Variants in CLMN observed in about 807,000 individuals in gnomAD.
CLMN encodes calmin (calponin-like, transmembrane).
CLMN carries 57 observed loss-of-function variants against 92.7 expected under a neutral mutation model. The ratio of observed to expected loss-of-function variants is 0.61; its 90% CI spans 0.50 to 0.77. CLMN has a LOEUF of 0.77. CLMN is among the 30% of genes least tolerant of loss of function. CLMN has a pLI of 0.00. For missense variants in CLMN, 1,158 were observed against 1,237.5 expected, an observed-to-expected ratio of 0.94 and a Z score of 0.96; for synonymous variants, 466 against 470.6, an observed-to-expected ratio of 0.99 and a Z score of 0.13.
chr14:95,254,352 A>G (rs1017262578), intron 1 of CLMN, among the ~76,000 whole-genome samples: 2 of 152,238 alleles, frequency 1.3e-5, no homozygotes, highest in Non-Finnish European at 1.5e-5. Context: ...TTGACATAGT[A>G]GGGAAAAATT....
Position 95,210,819 on chromosome 14 carries a change from C to T in CLMN, c.669G>A (p.Ala223=), listed in dbSNP as rs150700470. The change falls in exon 7 of 13, where the codon GCG becomes GCA. Residue 223 remains alanine (A), a synonymous_variant. Transcript: ENST00000298912. ...GSWRSGLAFL[A]VIKAIDPSLV... is the part of the protein sequence containing the mutation. ...GGCTGGGGTCAATGGCCTTGATCAC[C>T]GCCAGGAAAGCCAGCCCACTCCTCC... 2.6e-5 allele frequency: 41 copies of T among 1,579,458 alleles called. No homozygotes were observed. The highest frequency in any genetic ancestry group is 2.1e-4 in the African/African-American group (15 of 71,852).
intron 8 of CLMN, among the ~76,000 whole-genome samples, chr14:95,208,130 T>G (rs1022793762): frequency 1.4e-5 from 2 of 139,420 alleles, no homozygotes; most frequent in African/African-American, 6.0e-5. Flanking sequence ...CTTTAACTCT[T>G]TATGCTTTCC....
chr14:95,197,277 A>G, intron 9 of CLMN, among the ~76,000 whole-genome samples: 1 of 151,582 alleles, frequency 6.6e-6, no homozygotes. Context: ...AAAGAGGAGG[A>G]GGAAGAAGGA....
At position 95,204,388 on chromosome 14, in the gene CLMN, G is replaced by T; in HGVS notation, c.961C>A (p.Gln321Lys). The part of the protein sequence containing the change: ...FVRIKETPSE[Q>K]ESKVFVLTEN... The stretch of plus-strand genomic sequence containing the variant: ...GTCAGAACGAAGACTTTGCTCTCCT[G>T]TTCAGAAGGAGTTTCTTTGATGCGA... Residue 321 changes from glutamine to lysine, a missense_variant, in exon 9 of 13, where the codon CAG becomes AAG. Gln to Lys is a moderately conservative substitution (Grantham distance 53, BLOSUM62 1). Coordinates refer to ENST00000298912, the MANE Select transcript of CLMN (RefSeq NM_024734.4). 6.2e-7 allele frequency: 1 copy of T among 1,613,742 alleles called. No individual in the cohort carries two copies. Among genetic ancestry groups the T allele is most frequent in the Non-Finnish European group, 8.5e-7 (1 of 1,179,962 alleles).
chr14:95,205,656 T>C (rs1445915078), intron 8 of CLMN, among the ~76,000 whole-genome samples: 4 of 152,028 alleles, frequency 2.6e-5, no homozygotes, highest in Non-Finnish European at 5.9e-5. Flanking sequence ...GCAAAAGTAA[T>C]GGAGATGAAG....
At chr14:95,285,855 T>C (rs1900321505) in intron 1 of CLMN, among the ~76,000 whole-genome samples, 1 of 152,232 alleles carries the variant, frequency 6.6e-6, no homozygotes, top group South Asian at 2.1e-4. Context: ...GCAGGCATTG[T>C]TAATCAACCA....
chr14:95,229,889 C>T (rs1171775425), intron 2 of CLMN, among the ~76,000 whole-genome samples, 183 bp downstream of exon 2: 1 of 152,072 alleles, frequency 6.6e-6, no homozygotes, highest in African/African-American at 2.4e-5. Flanking sequence ...AGGGCAGAGC[C>T]GTGTCTCAGT....
At chr14:95,287,088 GC>G (rs1900373736) in intron 1 of CLMN, among the ~76,000 whole-genome samples, 1 of 152,166 alleles carries the variant, frequency 6.6e-6, no homozygotes. Flanking sequence ...TGCCTGAAGG[GC>G]CCCTTGTGCC....
At chr14:95,284,097 C>T (rs766578662) in intron 1 of CLMN, among the ~76,000 whole-genome samples, 1 of 152,150 alleles carries the variant, frequency 6.6e-6, no homozygotes, top group Non-Finnish European at 1.5e-5. Flanking sequence ...TGTGTCCCAG[C>T]CGCTCCAGTT....
intron 12 of CLMN, chr14:95,193,002 TCTTG>T (rs1362896585): frequency 3.7e-6 from 1 of 269,520 alleles, no homozygotes; most frequent in African/African-American, 2.2e-5. Flanking sequence ...AAAGGAGCTG[TCTTG>T]CTTCTTTTTT....
In CLMN at chr14:95,227,549, G is replaced by A. The variant is rs564697529; in HGVS notation, c.144+2523C>T. ...ACATTTCCAGTTACCAGCCCCGGCC[G>A]TGGCCAAGCCTTACTTCTGAGTTAA... On this transcript the variant is annotated intron_variant, in intron 2 of 12. Transcript: ENST00000298912. Among the ~76,000 whole-genome samples the A allele has an allele frequency of 1.2e-4, 19 of 152,312 alleles. No homozygotes were observed. The South Asian group carries it at 3.9e-3, about 32-fold the overall frequency.
At chr14:95,236,612 C>T (rs1343147553) in intron 1 of CLMN, among the ~76,000 whole-genome samples, 5 of 152,180 alleles carry the variant, frequency 3.3e-5, no homozygotes, top group Non-Finnish European at 1.5e-5. Flanking sequence ...AGAGTGGCAA[C>T]ACTGCCAGGG....
rs2140552091 is a variant in CLMN, at chr14:95,189,390, G to T, written c.*2174C>A. 1 of 152,286 alleles carries T rather than the reference G, an allele frequency of 6.6e-6. No individual in the cohort carries two copies. Among genetic ancestry groups the T allele is most frequent in the African/African-American group, 2.4e-5 (1 of 41,556 alleles). 9.4% of individuals were successfully genotyped at this position (152,286 alleles called of 1,614,324 possible). A position where few individuals can be genotyped will look rare whatever the true frequency, so the allele number is the denominator to read the frequency against. Reference sequence around the variant, plus strand: ...AAATTTACAAGCAATGGGGTGGTTTGTCCTGCAGACTTCCACATCCATTTT... The same window carrying T: ...AAATTTACAAGCAATGGGGTGGTTTTTCCTGCAGACTTCCACATCCATTTT... On this transcript the variant is annotated 3_prime_UTR_variant, in exon 13 of 13. Transcript: ENST00000298912.
At chr14:95,308,798 A>T (rs1053941359) in intron 1 of CLMN, among the ~76,000 whole-genome samples, 1 of 152,222 alleles carries the variant, frequency 6.6e-6, no homozygotes, top group Non-Finnish European at 1.5e-5. Flanking sequence ...CTCAGGTTGC[A>T]ACTCCCCCAG....
At chr14:95,307,265 T>C (rs1483203986) in intron 1 of CLMN, among the ~76,000 whole-genome samples, 1 of 152,204 alleles carries the variant, frequency 6.6e-6, no homozygotes, top group Non-Finnish European at 1.5e-5. Context: ...TCCACATTCA[T>C]GCATTCAACA....
At chr14:95,193,612 T>G (rs1896615567) in intron 12 of CLMN, among the ~76,000 whole-genome samples, 1 of 152,208 alleles carries the variant, frequency 6.6e-6, no homozygotes, top group Admixed American at 6.5e-5. Flanking sequence ...GTCTTTAAAC[T>G]GACTCATTTT....
chr14:95,246,453 C>G (rs1209011235), intron 1 of CLMN, among the ~76,000 whole-genome samples: 2 of 152,214 alleles, frequency 1.3e-5, no homozygotes, highest in South Asian at 4.1e-4. Flanking sequence ...CACCCCCCTC[C>G]TCTTGGGAAC....
chr14:95,253,706 G>A (rs532636464), intron 1 of CLMN, among the ~76,000 whole-genome samples: 39 of 150,570 alleles, frequency 2.6e-4, no homozygotes, highest in African/African-American at 8.8e-4. Flanking sequence ...TCCGCCTCCC[G>A]GGTTCACGCC....
Position 95,213,341 on chromosome 14 carries a change from G to GC in CLMN, c.485dup (p.Thr163HisfsTer67), listed in dbSNP as rs1187137471. The GC allele has an allele frequency of 1.9e-6, 3 of 1,613,398 alleles. No homozygotes were observed. The highest frequency in any genetic ancestry group is 2.5e-6 in the Non-Finnish European group (3 of 1,179,704). On this transcript the variant is annotated frameshift_variant, in exon 6 of 13. Transcript: ENST00000298912. LOFTEE classifies it high-confidence loss of function. ...GTGGGAAGGATGAGTCTGAGTCTGT[G>GC]CCCCCTGAGCCAGGGGACAAGCTGG...
Sources: allele counts gnomAD v4.1 joint callset (sites outside exome capture counted in the v4.1 genomes callset), GRCh38; gene constraint gnomAD v4.1.1; transcripts MANE v1.5; gene names NCBI Gene and HGNC (gene_info 2026-07-23, HGNC 2026-07-21).